Variants in ARFGEF1 observed in about 807,000 individuals in gnomAD.
ARFGEF1 encodes the protein ARF guanine nucleotide exchange factor 1, also known as brefeldin A-inhibited guanine nucleotide-exchange protein 1.
A neutral mutation model predicts 231.0 loss-of-function variants in ARFGEF1; 42 were observed. That is an observed-to-expected ratio of 0.18 (90% CI 0.14 to 0.24). The LOEUF is 0.24. ARFGEF1 is among the 10% of genes least tolerant of loss of function. ARFGEF1 has a pLI of 1.00. For synonymous variants in ARFGEF1, 710 were observed against 732.3 expected, an observed-to-expected ratio of 0.97 and a Z score of 0.49; for missense variants, 1,345 against 2,192.0, an observed-to-expected ratio of 0.61 and a Z score of 7.72.
At chr8:67,319,861 T>C (rs974563232) in intron 1 of ARFGEF1, among the ~76,000 whole-genome samples, 2 of 152,046 alleles carry the variant, frequency 1.3e-5, no homozygotes, top group East Asian at 1.9e-4. Flanking sequence ...AACAACGAAA[T>C]TTTTTAATGG....
intron 4 of ARFGEF1, 44 bp from the exon 5 acceptor site, chr8:67,296,654 CTTTTT>C: frequency 1.7e-6 from 2 of 1,169,140 alleles, no homozygotes; most frequent in South Asian, 1.8e-5. Context: ...TTTTCTTTTT[CTTTTT>C]TTTTTTGGAG....
chr8:67,271,681 A>C (rs778938133), intron 10 of ARFGEF1, 21 bp downstream of exon 10: 14 of 1,503,156 alleles, frequency 9.3e-6, no homozygotes, highest in Non-Finnish European at 1.2e-5. Flanking sequence ...TAGTAACATT[A>C]TGCCTAAATG....
chr8:67,186,622 G>C (rs1227527080), intron 5 of ARFGEF1, among the ~76,000 whole-genome samples: 1 of 152,106 alleles, frequency 6.6e-6, no homozygotes, highest in Non-Finnish European at 1.5e-5. Context: ...GCTAAGATCA[G>C]GATGTCCTTT....
chr8:67,330,272 T>C (rs929288777), intron 1 of ARFGEF1, among the ~76,000 whole-genome samples: 4 of 152,112 alleles, frequency 2.6e-5, no homozygotes, highest in African/African-American at 9.7e-5. Flanking sequence ...TCAATAAAGG[T>C]AGCCATATAT....
chr8:67,297,799 C>CT (rs1806302962), intron 4 of ARFGEF1, among the ~76,000 whole-genome samples: 1 of 135,730 alleles, frequency 7.4e-6, no homozygotes, highest in South Asian at 2.4e-4. Context: ...ATGATCAACC[C>CT]GTTTTTTTTT....
intron 5 of ARFGEF1, among the ~76,000 whole-genome samples, chr8:67,191,068 T>C (rs1178857802): frequency 6.6e-6 from 1 of 152,252 alleles, no homozygotes; most frequent in Admixed American, 6.5e-5. Flanking sequence ...ACTGATGTCA[T>C]TTATTGAAAA....
At chr8:67,221,872 G>A (rs1344301309) in intron 29 of ARFGEF1, among the ~76,000 whole-genome samples, 1 of 150,082 alleles carries the variant, frequency 6.7e-6, no homozygotes, top group African/African-American at 2.5e-5. Flanking sequence ...GGAGTGCAGT[G>A]GCATGATCTC....
chr8:67,300,660 CAA>C (rs200434355), intron 3 of ARFGEF1, among the ~76,000 whole-genome samples: 5,583 of 87,516 alleles, frequency 0.064, 53 homozygotes, highest in African/African-American at 0.084. Context: ...CTTGTCTCTT[CAA>C]AAAAAAAAAA....
chr8:67,325,872 G>A (rs1807810168), intron 1 of ARFGEF1, among the ~76,000 whole-genome samples: 1 of 152,094 alleles, frequency 6.6e-6, no homozygotes, highest in Admixed American at 6.6e-5. Flanking sequence ...TTTCAGGAAA[G>A]CACTTATGAA....
intron 1 of ARFGEF1, among the ~76,000 whole-genome samples, chr8:67,321,876 G>A (rs1283403356): frequency 1.3e-5 from 2 of 152,136 alleles, no homozygotes; most frequent in African/African-American, 4.8e-5. Context: ...CTTCTACATA[G>A]TGCCAGAGTG....
At chr8:67,281,981 ATAT>A (rs1805555282) in intron 7 of ARFGEF1, among the ~76,000 whole-genome samples, 1 of 152,172 alleles carries the variant, frequency 6.6e-6, no homozygotes, top group South Asian at 2.1e-4. Flanking sequence ...TGCAAAGAAG[ATAT>A]TATCTTCCCA....
chr8:67,253,472 G>A lies in ARFGEF1; in HGVS notation c.2677C>T (p.Pro893Ser). The A allele has an allele frequency of 6.4e-7, 1 of 1,564,990 alleles. No homozygotes were observed. Among genetic ancestry groups the A allele is most frequent in the Non-Finnish European group, 8.8e-7 (1 of 1,141,928 alleles). The change falls in exon 18 of 39, where the codon CCT (proline) becomes TCT (serine). Residue 893 changes from proline to serine, a missense_variant. Physicochemically the swap from Pro to Ser is moderately conservative, Grantham distance 74. This residue lies in a region of ARFGEF1 where 23 missense variants were observed against 21.6 expected (regional missense o/e 1.07). Coordinates refer to ENST00000262215, the MANE Select transcript of ARFGEF1 (RefSeq NM_006421.5). ...TTACTCTGTTTACTTGATTTTGTAG[G>A]GATTGTTAGTTCTTTTGTTTCTTTC... ...SMKETKELTI[P>S]TKSSKQNVAS... is the part of the protein sequence containing the mutation.
chr8:67,289,038 G>C (rs990947465), intron 6 of ARFGEF1, among the ~76,000 whole-genome samples: 47 of 152,084 alleles, frequency 3.1e-4, no homozygotes, highest in Non-Finnish European at 1.5e-4. Flanking sequence ...GATGAAATCT[G>C]ATGTTCTGGA....
In ARFGEF1 at chr8:67,238,337, T is replaced by C. The variant is rs766172683; in HGVS notation, c.3289+6A>G. On this transcript the variant is annotated splice_donor_region_variant and intron_variant, in intron 22 of 38. Coordinates refer to ENST00000262215, the MANE Select transcript of ARFGEF1 (RefSeq NM_006421.5). ...ACAATTTTTGATACTTTGTAAAAAT[T>C]CTCACCTAGCCCTAAACCCACAAAT... The C allele has an allele frequency of 6.3e-7, 1 of 1,580,834 alleles. No individual in the cohort carries two copies. The highest frequency in any genetic ancestry group is 1.2e-5 in the South Asian group (1 of 85,228).
downstream of ARFGEF1, chr8:67,196,199 T>C (rs1046498772): frequency 1.3e-5 from 2 of 152,236 alleles, no homozygotes; most frequent in African/African-American, 4.8e-5. Flanking sequence ...GGCATTTGTC[T>C]TGTTACTAAT....
At chr8:67,222,569 GCCT>G (rs1361495548) in intron 29 of ARFGEF1, among the ~76,000 whole-genome samples, 1 of 151,950 alleles carries the variant, frequency 6.6e-6, no homozygotes, top group African/African-American at 2.4e-5. Context: ...TCCTGCCTCA[GCCT>G]CCTAAGTAGC....
chr8:67,330,625 C>T lies in ARFGEF1; in HGVS notation c.124+12539G>A, dbSNP rs188721337. Among the ~76,000 whole-genome samples, 157 of 152,252 alleles carry T rather than the reference C, an allele frequency of 1.0e-3. 3 individuals carry two copies. The highest frequency in any genetic ancestry group is 8.0e-3 in the Admixed American group (122 of 15,292). On this transcript the variant is annotated intron_variant, in intron 1 of 38. Transcript: ENST00000262215. ...ATAATTGTAAAAACTCATTTTTGGACACTGGTGTATACTATAAAATCTTAA... is the reference window on the plus strand; with the variant it reads ...ATAATTGTAAAAACTCATTTTTGGATACTGGTGTATACTATAAAATCTTAA...
chr8:67,189,875 G>A (rs564148933), intron 5 of ARFGEF1, among the ~76,000 whole-genome samples: 12 of 152,202 alleles, frequency 7.9e-5, no homozygotes, highest in Non-Finnish European at 1.3e-4. Context: ...GGAGGTTACC[G>A]TAGATGTTGT....
At chr8:67,206,384 T>G (rs1587035448) in intron 34 of ARFGEF1, among the ~76,000 whole-genome samples, 1 of 138,330 alleles carries the variant, frequency 7.2e-6, no homozygotes, top group Non-Finnish European at 1.5e-5. Flanking sequence ...CACTCCAGCC[T>G]GGGCAACAGA....
Sources: gnomAD v4.1 joint callset for allele counts (sites outside exome capture counted in the v4.1 genomes callset) on GRCh38, gnomAD v4.1.1 for gene constraint, gnomAD v4.1.1 regional missense constraint, MANE v1.5 for transcripts, NCBI Gene and HGNC (gene_info 2026-07-23, HGNC 2026-07-21) for gene names.